The following CARS1 variants were observed in gnomAD, a reference collection of about 807,000 sequenced individuals.
CARS1 encodes cysteinyl-tRNA synthetase 1.
A neutral mutation model predicts 106.2 loss-of-function variants in CARS1; 48 were observed. The ratio of observed to expected loss-of-function variants is 0.45; its 90% CI spans 0.36 to 0.57. CARS1 has a LOEUF of 0.57. Among genes scored for constraint, CARS1 ranks in the 20% least tolerant of loss-of-function variants. CARS1 has a pLI of 0.00. For missense variants in CARS1, 968 were observed against 1,057.2 expected, an observed-to-expected ratio of 0.92 and a Z score of 1.17; for synonymous variants, 409 against 403.4, an observed-to-expected ratio of 1.01 and a Z score of -0.17.
rs925312133 is a variant in CARS1, at chr11:3,037,756, G to A, written c.801+294C>T. ...CTTCGACAGAAGGCTGCCTCCCCAC[G>A]TTCCAAGTGCACCTCCTGCCTATCT... On this transcript the variant is annotated intron_variant, in intron 7 of 22. Coordinates refer to ENST00000380525, the MANE Select transcript of CARS1 (RefSeq NM_001014437.3). The surrounding 1 kb of genome is among the most constrained non-coding windows in gnomAD (Gnocchi z 5.9). Among the ~76,000 whole-genome samples, 3 of 152,162 alleles carry A rather than the reference G, an allele frequency of 2.0e-5. No homozygotes were observed. Among genetic ancestry groups the A allele is most frequent in the South Asian group, 2.1e-4 (1 of 4,820 alleles).
intron 7 of CARS1, among the ~76,000 whole-genome samples, chr11:3,033,300 A>G (rs1189023000): frequency 6.6e-6 from 1 of 152,218 alleles, no homozygotes; most frequent in African/African-American, 2.4e-5. Flanking sequence ...GAGAACATTC[A>G]GAAACCAGCA....
At position 3,026,756 on chromosome 11, in the gene CARS1, A is replaced by T. The variant is rs1396291834; in HGVS notation, c.1073T>A (p.Phe358Tyr). 1 of 1,613,810 alleles carries T rather than the reference A, an allele frequency of 6.2e-7. No individual in the cohort carries two copies. The highest frequency in any genetic ancestry group is 1.7e-5 in the Admixed American group (1 of 59,990). The change falls in exon 10 of 23, where the codon TTT becomes TAT. Residue 358 changes from phenylalanine to tyrosine, a missense_variant. Transcript: ENST00000380525. ...ATAGGAGTGCTTCTCGCTAGAAGCA[A>T]ACTTCGCTGTATCAAAGTAGACAGA... The part of the protein sequence containing the change: ...NGSVYFDTAK[F>Y]ASSEKHSYGK...
intron 7 of CARS1, among the ~76,000 whole-genome samples, chr11:3,035,730 C>G (rs1853526704): frequency 6.6e-6 from 1 of 152,244 alleles, no homozygotes. Context: ...AAGTGATCCT[C>G]TTGCCCTGGC....
At chr11:3,018,064 CCAGAA>C in intron 14 of CARS1, 110 bp from the exon 15 acceptor site, 1 of 701,698 alleles carries the variant, frequency 1.4e-6, no homozygotes, top group East Asian at 2.7e-5. Flanking sequence ...ATCTGAAAGA[CCAGAA>C]TTACACAAGT....
Position 3,021,234 on chromosome 11 carries a change from A to C in CARS1, c.1154-902T>G, listed in dbSNP as rs1851544237. Among the ~76,000 whole-genome samples, 1 of 152,250 alleles carries C rather than the reference A, an allele frequency of 6.6e-6. No individual in the cohort carries two copies. The highest frequency in any genetic ancestry group is 2.4e-5 in the African/African-American group (1 of 41,460). On this transcript the variant is annotated intron_variant, in intron 10 of 22. Transcript: ENST00000380525. The surrounding 1 kb of genome is among the most constrained non-coding windows in gnomAD (Gnocchi z 5.3). ...ATAAAGAAACCTGTGAGCCAGTCCAAAGGTCACGCAGAGAATCACCCTTTG... is the reference window on the plus strand; with the variant it reads ...ATAAAGAAACCTGTGAGCCAGTCCACAGGTCACGCAGAGAATCACCCTTTG...
rs908111377 is a variant in CARS1, at chr11:3,052,530, C to T, written c.26-4529G>A. Among the ~76,000 whole-genome samples the T allele has an allele frequency of 6.6e-6, 1 of 152,166 alleles. No homozygotes were observed. The highest frequency in any genetic ancestry group is 1.5e-5 in the Non-Finnish European group (1 of 68,034). On this transcript the variant is annotated intron_variant, in intron 1 of 22. Transcript: ENST00000380525. The surrounding 1 kb of genome is among the most constrained non-coding windows in gnomAD (Gnocchi z 4.6). ...TTATTTTAAAAGTTTATTACCAAAT[C>T]TGCCTTGATCTTGGATCACATAATT...
intron 19 of CARS1, among the ~76,000 whole-genome samples, chr11:3,006,546 T>A (rs1349366623): frequency 6.6e-6 from 1 of 152,260 alleles, no homozygotes; most frequent in East Asian, 1.9e-4. Flanking sequence ...ATGCAATCTG[T>A]TGACAGTGTA....
intron 10 of CARS1, among the ~76,000 whole-genome samples, 163 bp downstream of exon 10, chr11:3,026,513 A>G (rs1852092915): frequency 6.6e-6 from 1 of 152,216 alleles, no homozygotes; most frequent in East Asian, 1.9e-4. Flanking sequence ...GAGCTGCACA[A>G]TGTTGAGTGC....
At chr11:3,047,460 C>T (rs377563581) in intron 2 of CARS1, among the ~76,000 whole-genome samples, 31 of 152,148 alleles carry the variant, frequency 2.0e-4, no homozygotes, top group Non-Finnish European at 3.7e-4. Context: ...GGGCATGCTA[C>T]GTGGAACCCC....
chr11:3,019,707 C>CAA lies in CARS1; in HGVS notation c.1267-442_1267-441dup, dbSNP rs766800048. On this transcript the variant is annotated intron_variant, in intron 11 of 22. Coordinates refer to ENST00000380525, the MANE Select transcript of CARS1 (RefSeq NM_001014437.3). This position sits in a 1 kb window ranked among gnomAD's most constrained non-coding sequence, Gnocchi z 6.2. ...CTGGTGACAGAGTGACACTCTGTCT[C>CAA]AAAAAAAAAAAAAAGACTAAGGATA... is the stretch of plus-strand genomic sequence containing the variant. 8.5e-5 allele frequency among the ~76,000 whole-genome samples: 9 copies of CAA among 105,640 alleles called. No individual in the cohort carries two copies. The highest frequency in any genetic ancestry group is 2.5e-4 in the African/African-American group (7 of 28,546). The allele number at this position is 105,640 out of a possible 152,430, so 69.3% of individuals were successfully genotyped here. A position where few individuals can be genotyped will look rare whatever the true frequency, so the allele number is the denominator to read the frequency against.
chr11:3,020,276 C>A lies in CARS1; in HGVS notation c.1210G>T (p.Ala404Ser), dbSNP rs761299366. 89 of 1,614,032 alleles carry A rather than the reference C, an allele frequency of 5.5e-5. No individual in the cohort carries two copies. The highest frequency in any genetic ancestry group is 6.4e-5 in the Non-Finnish European group (75 of 1,179,976). ...CCGGGCTTAGAGGCCTTCCATAAGG[C>A]AAAGTCGTTGGGAGAGCGCTTCTCA... The part of the protein sequence containing the change: ...LSEKRSPNDF[A>S]LWKASKPGEP... Residue 404 changes from alanine to serine, a missense_variant, in exon 11 of 23, where the codon GCC becomes TCC. Coordinates refer to ENST00000380525, the MANE Select transcript of CARS1 (RefSeq NM_001014437.3). The surrounding 1 kb of genome is among the most constrained non-coding windows in gnomAD (Gnocchi z 4.6).
At chr11:3,010,180 T>C (rs1850313190) in intron 18 of CARS1, among the ~76,000 whole-genome samples, 1 of 152,230 alleles carries the variant, frequency 6.6e-6, no homozygotes, top group Non-Finnish European at 1.5e-5. Flanking sequence ...AGTCCTGTCC[T>C]GGTCAGTGCC....
At position 3,043,498 on chromosome 11, in the gene CARS1, G is replaced by A. The variant is rs1402602917; in HGVS notation, c.275-1242C>T. 6.6e-6 allele frequency among the ~76,000 whole-genome samples: 1 copy of A among 151,394 alleles called. No individual in the cohort carries two copies. Among genetic ancestry groups the A allele is most frequent in the African/African-American group, 2.4e-5 (1 of 41,106 alleles). On this transcript the variant is annotated intron_variant, in intron 2 of 22. Coordinates refer to ENST00000380525, the MANE Select transcript of CARS1 (RefSeq NM_001014437.3). This position sits in a 1 kb window ranked among gnomAD's most constrained non-coding sequence, Gnocchi z 4.0. ...CCAGCTGGTGCCTGGCCCTGGGAAG[G>A]GCTTCACATGTCTCTGCTGAGTGGC...
chr11:3,013,427 C>G (rs1474779645), intron 17 of CARS1, among the ~76,000 whole-genome samples: 8 of 152,176 alleles, frequency 5.3e-5, no homozygotes, highest in Non-Finnish European at 1.2e-4. Flanking sequence ...GCTGGGATTA[C>G]AGGCGTGAGC....
intron 1 of CARS1, 32 bp downstream of exon 1, chr11:3,057,311 C>T (rs572791957): frequency 1.3e-6 from 2 of 1,599,066 alleles, no homozygotes; most frequent in East Asian, 4.5e-5. Flanking sequence ...GGCCCCCAGC[C>T]GCCCTCAGCC....
At position 3,020,362 on chromosome 11, in the gene CARS1, C is replaced by G. The variant is rs774048099; in HGVS notation, c.1154-30G>C. ...AAACACGAGGGACGCCAGGCAAGGT[C>G]ACTCAGCAGCACCCACAGACCCACA... is the stretch of plus-strand genomic sequence containing the variant. On this transcript the variant is annotated intron_variant, in intron 10 of 22. Coordinates refer to ENST00000380525, the MANE Select transcript of CARS1 (RefSeq NM_001014437.3). This position sits in a 1 kb window ranked among gnomAD's most constrained non-coding sequence, Gnocchi z 4.6. 1 of 1,358,320 alleles carries G rather than the reference C, an allele frequency of 7.4e-7. No individual in the cohort carries two copies. The allele number at this position is 1,358,320 out of a possible 1,614,324, so 84.1% of individuals were successfully genotyped here.
rs537187661 is a variant in CARS1 at position 3,037,895 on chromosome 11, G to C, written c.801+155C>G. 6.6e-6 allele frequency among the ~76,000 whole-genome samples: 1 copy of C among 152,184 alleles called. No homozygotes were observed. On this transcript the variant is annotated intron_variant, in intron 7 of 22. Coordinates refer to ENST00000380525, the MANE Select transcript of CARS1 (RefSeq NM_001014437.3). This position sits in a 1 kb window ranked among gnomAD's most constrained non-coding sequence, Gnocchi z 5.9. The stretch of plus-strand genomic sequence containing the variant: ...GGGGAGGGGCACTGACTCAGCCACC[G>C]CAGAACAGGGCCGCCTGCCACAGTG...
rs1285854547 is a variant in CARS1, at chr11:3,043,976, T to C, written c.275-1720A>G. Among the ~76,000 whole-genome samples the C allele has an allele frequency of 6.6e-6, 1 of 152,118 alleles. No homozygotes were observed. The highest frequency in any genetic ancestry group is 1.5e-5 in the Non-Finnish European group (1 of 68,018). ...CAATCTTAATCAAACATCATGTGCTTATTGAGGCCAAGTGCAGCTCGGCCT... is the reference window on the plus strand; with the variant it reads ...CAATCTTAATCAAACATCATGTGCTCATTGAGGCCAAGTGCAGCTCGGCCT... On this transcript the variant is annotated intron_variant, in intron 2 of 22. Coordinates refer to ENST00000380525, the MANE Select transcript of CARS1 (RefSeq NM_001014437.3). This position sits in a 1 kb window ranked among gnomAD's most constrained non-coding sequence, Gnocchi z 4.0.
rs1356877243 is a variant in CARS1 at position 3,048,651 on chromosome 11, C to T, written c.26-650G>A. ...GCTGGGGGATGAGGGGTAGGAGAAC[C>T]CCACATTGACAATGTGTGCCATTTA... On this transcript the variant is annotated intron_variant, in intron 1 of 22. Coordinates refer to ENST00000380525, the MANE Select transcript of CARS1 (RefSeq NM_001014437.3). The surrounding 1 kb of genome is among the most constrained non-coding windows in gnomAD (Gnocchi z 5.1). 1 of 152,368 alleles carries T rather than the reference C, an allele frequency of 6.6e-6. No individual in the cohort carries two copies. Among genetic ancestry groups the T allele is most frequent in the Non-Finnish European group, 1.5e-5 (1 of 68,162 alleles). The allele number at this position is 152,368 out of a possible 1,614,324, so 9.4% of individuals were successfully genotyped here.
Sources: allele counts gnomAD v4.1 joint callset (sites outside exome capture counted in the v4.1 genomes callset), GRCh38; gene constraint gnomAD v4.1.1; non-coding constraint Gnocchi (gnomAD v3.1); transcripts MANE v1.5; gene names NCBI Gene and HGNC (gene_info 2026-07-23, HGNC 2026-07-21).